NEDD4L: variants seen among roughly 807,000 people sequenced by gnomAD.
NEDD4L encodes the protein E3 ubiquitin-protein ligase NEDD4-like.
In NEDD4L, 54 loss-of-function variants were observed where a neutral mutation model predicts 148.9. The ratio of observed to expected loss-of-function variants is 0.36; its 90% CI spans 0.29 to 0.45. The LOEUF is 0.45. Among genes scored for constraint, NEDD4L ranks in the 20% least tolerant of loss-of-function variants. The pLI, the probability that NEDD4L is intolerant of heterozygous loss-of-function variation, is 1.00. For missense variants in NEDD4L, 856 were observed against 1,233.8 expected (o/e 0.69, Z 4.59); for synonymous variants, 433 against 440.7 (o/e 0.98, Z 0.22).
intron 1 of NEDD4L, among the ~76,000 whole-genome samples, chr18:58,137,622 G>A (rs1027023847): frequency 6.6e-6 from 1 of 152,170 alleles, no homozygotes; most frequent in African/African-American, 2.4e-5. Context: ...CTTCCAACTC[G>A]TATCCTCCAG....
Position 58,234,085 on chromosome 18 carries a change from CTTTCTTTCTTTCTTTCT to C in NEDD4L, c.123-11334_123-11318del, listed in dbSNP as rs773388277. On this transcript the variant is annotated intron_variant, in intron 2 of 30. Transcript: ENST00000400345. ...TCTTTCTTTCTTTCTTTCTTTCTTT[CTTTCTTTCTTTCTTTCT>C]TTTCTTTTCTTTTCTTTTCCTTCTT... Among the ~76,000 whole-genome samples, 500 of 95,866 alleles carry C rather than the reference CTTTCTTTCTTTCTTTCT, an allele frequency of 5.2e-3. 4 individuals carry two copies. Among genetic ancestry groups the C allele is most frequent in the African/African-American group, 0.01 (214 of 21,166 alleles). 62.9% of individuals were successfully genotyped at this position (95,866 alleles called of 152,430 possible).
At chr18:58,311,316 A>G (rs2057670981) in intron 5 of NEDD4L, among the ~76,000 whole-genome samples, 1 of 152,232 alleles carries the variant, frequency 6.6e-6, no homozygotes, top group Admixed American at 6.5e-5. Context: ...TGTAACTCAC[A>G]ACTTAAAAAA....
intron 5 of NEDD4L, among the ~76,000 whole-genome samples, chr18:58,289,024 G>C (rs956110994): frequency 1.3e-5 from 2 of 152,170 alleles, no homozygotes; most frequent in Non-Finnish European, 2.9e-5. Context: ...GAGAATTTAA[G>C]TGTTTCTACT....
At chr18:58,164,413 CT>C (rs931423930) in intron 1 of NEDD4L, among the ~76,000 whole-genome samples, 4 of 152,240 alleles carry the variant, frequency 2.6e-5, no homozygotes, top group South Asian at 2.1e-4. Context: ...AACTGTTGTA[CT>C]TTAGAAGTGC....
chr18:58,253,863 C>G (rs1477268247), intron 5 of NEDD4L, among the ~76,000 whole-genome samples: 1 of 152,050 alleles, frequency 6.6e-6, no homozygotes, highest in Non-Finnish European at 1.5e-5. Flanking sequence ...ACTTTGAATA[C>G]AAAACTTTTA....
intron 16 of NEDD4L, among the ~76,000 whole-genome samples, chr18:58,344,179 T>C (rs2042772399): frequency 6.6e-6 from 1 of 152,228 alleles, no homozygotes; most frequent in Non-Finnish European, 1.5e-5. Flanking sequence ...GTCCATTTGA[T>C]AGACCAGCAG....
chr18:58,195,467 A>G (rs1390963731), intron 2 of NEDD4L: 1 of 1,334,074 alleles, frequency 7.5e-7, no homozygotes, highest in Non-Finnish European at 9.9e-7. Flanking sequence ...TCCAACCCAG[A>G]CAGGCTTAAG....
At chr18:58,388,266 C>T (rs1248108362) in intron 27 of NEDD4L, 1 of 152,236 alleles carries the variant, frequency 6.6e-6, no homozygotes, top group African/African-American at 2.4e-5. Context: ...GTTTCCCATA[C>T]ACTGGCCTTC....
Position 58,322,475 on chromosome 18 carries a change from C to T in NEDD4L, c.399C>T (p.Leu133=). 1.3e-6 allele frequency: 2 copies of T among 1,575,794 alleles called. No homozygotes were observed. Among genetic ancestry groups the T allele is most frequent in the Non-Finnish European group, 1.7e-6 (2 of 1,146,468 alleles). ...ERPYTFKDFL[L]RPRSHKSRVK... ...CCTATACATTTAAGGACTTTCTCCT[C>T]AGACCAAGAAGGTGAGGCTTGTGGG... Residue 133 remains leucine (L), a synonymous_variant, in exon 7 of 31, where the codon CTC becomes CTT. Transcript: ENST00000400345.
chr18:58,297,150 TC>T (rs2055734507), intron 5 of NEDD4L, among the ~76,000 whole-genome samples: 1 of 152,044 alleles, frequency 6.6e-6, no homozygotes, highest in African/African-American at 2.4e-5. Context: ...CCCAGAACAA[TC>T]CCCCATCTGA....
At chr18:58,196,521 C>T (rs770410193) in intron 2 of NEDD4L, among the ~76,000 whole-genome samples, 1 of 152,080 alleles carries the variant, frequency 6.6e-6, no homozygotes, top group Non-Finnish European at 1.5e-5. Flanking sequence ...TTCTTCAGCC[C>T]TCAAACATAC....
chr18:58,357,135 A>T, intron 18 of NEDD4L, 59 bp from the exon 19 acceptor site: 1 of 1,456,644 alleles, frequency 6.9e-7, no homozygotes, highest in Non-Finnish European at 9.4e-7. Context: ...AACTTTCTTT[A>T]CATAGAATAG....
chr18:58,054,011 A>G (rs1007402313), intron 1 of NEDD4L, among the ~76,000 whole-genome samples: 2 of 152,182 alleles, frequency 1.3e-5, no homozygotes, highest in Non-Finnish European at 2.9e-5. Context: ...AATGTAGGAG[A>G]TGAAGACCCT....
chr18:58,153,531 G>A (rs529894517), intron 1 of NEDD4L, among the ~76,000 whole-genome samples: 1 of 152,072 alleles, frequency 6.6e-6, no homozygotes, highest in East Asian at 1.9e-4. Context: ...GTAGATATGG[G>A]GTTTCACCAT....
In NEDD4L at chr18:58,115,152, C is replaced by T. The variant is rs139246552; in HGVS notation, c.49-50636C>T. Among the ~76,000 whole-genome samples, 22 of 152,216 alleles carry T rather than the reference C, an allele frequency of 1.4e-4. No individual in the cohort carries two copies. The East Asian group carries it at 3.9e-3, about 27-fold the overall frequency. ...GGCGTCTGATATTGTGAACCTGGCT[C>T]ACTGGCCTTTGTCTTCTTGCCGACT... On this transcript the variant is annotated intron_variant, in intron 1 of 30. Transcript: ENST00000400345.
intron 5 of NEDD4L, among the ~76,000 whole-genome samples, chr18:58,261,285 T>C (rs537697893): frequency 1.4e-4 from 21 of 152,344 alleles, no homozygotes; most frequent in African/African-American, 4.8e-4. Flanking sequence ...TTTGAAGCCT[T>C]ATAACATTTT....
At chr18:58,205,500 G>A (rs505202) in intron 2 of NEDD4L, among the ~76,000 whole-genome samples, 77,382 of 145,630 alleles carry the variant, frequency 0.53, 21,349 homozygotes, top group Non-Finnish European at 0.63. Context: ...GTGTGTGTAT[G>A]TGTGTGTGTG....
At chr18:58,076,660 G>A (rs762486952) in intron 1 of NEDD4L, among the ~76,000 whole-genome samples, 4 of 152,000 alleles carry the variant, frequency 2.6e-5, no homozygotes, top group South Asian at 4.2e-4. Flanking sequence ...TTCAGCGGGC[G>A]GGCGGGCTGG....
At chr18:58,339,397 C>T (rs2042162218) in intron 13 of NEDD4L, among the ~76,000 whole-genome samples, 1 of 152,090 alleles carries the variant, frequency 6.6e-6, no homozygotes, top group African/African-American at 2.4e-5. Context: ...GGCATCGCTG[C>T]TAGAGGAGGA....
Sources: gnomAD v4.1 joint callset for allele counts (sites outside exome capture counted in the v4.1 genomes callset) on GRCh38, gnomAD v4.1.1 for gene constraint, MANE v1.5 for transcripts, NCBI Gene and HGNC (gene_info 2026-07-23, HGNC 2026-07-21) for gene names.